The following TSPAN2 variants were observed in gnomAD, a reference collection of about 807,000 sequenced individuals.
TSPAN2 encodes tetraspanin 2.
A neutral mutation model predicts 33.3 loss-of-function variants in TSPAN2; 24 were observed. The observed-to-expected ratio is 0.72, with a 90% CI of 0.52 to 1.01. The LOEUF (loss-of-function observed/expected upper bound fraction) is 1.01. Among genes scored for constraint, TSPAN2 ranks in the 50% least tolerant of loss-of-function variants. The probability of loss-of-function intolerance (pLI) is 0.00; values close to 1 mark genes in which losing one functional copy is unlikely to be tolerated. For synonymous variants in TSPAN2, 114 were observed against 104.5 expected (o/e 1.09, Z -0.56); for missense variants, 278 against 281.3 (o/e 0.99, Z 0.08).
In TSPAN2 at chr1:115,048,504, T is replaced by C. The variant is rs553891452; in HGVS notation, c.*1986A>G. 6.6e-6 allele frequency: 1 copy of C among 152,110 alleles called. No homozygotes were observed. The highest frequency in any genetic ancestry group is 2.1e-4 in the South Asian group (1 of 4,828). The allele number at this position is 152,110 out of a possible 1,614,324, so 9.4% of individuals were successfully genotyped here. On this transcript the variant is annotated 3_prime_UTR_variant, in exon 8 of 8. Transcript: ENST00000369516. ...TCTTCTACTTTAATTAATTTCATTT[T>C]AAATTTATTTATTTCTATTCTTCCA...
intron 1 of TSPAN2, among the ~76,000 whole-genome samples, chr1:115,085,171 C>A (rs1419508774): frequency 6.6e-6 from 1 of 152,214 alleles, no homozygotes; most frequent in Non-Finnish European, 1.5e-5. Context: ...GCTGTGCTAT[C>A]TGATCGCAGG....
chr1:115,054,753 G>A (rs1448495020), intron 6 of TSPAN2, among the ~76,000 whole-genome samples: 1 of 152,122 alleles, frequency 6.6e-6, no homozygotes, highest in Admixed American at 6.5e-5. Context: ...TTGGGAGGCC[G>A]AGATGCGTGG....
intron 7 of TSPAN2, among the ~76,000 whole-genome samples, chr1:115,051,310 G>GA (rs967688605): frequency 5.0e-4 from 75 of 150,170 alleles, no homozygotes; most frequent in African/African-American, 1.8e-3. Context: ...CACAAAAAAA[G>GA]AAAAAAAAAG....
At chr1:115,069,978 T>A (rs1381097755) in intron 2 of TSPAN2, among the ~76,000 whole-genome samples, 2 of 152,212 alleles carry the variant, frequency 1.3e-5, no homozygotes. Flanking sequence ...TTGATGTATC[T>A]AATCATAAAG....
At chr1:115,075,629 G>A (rs1648375003) in intron 1 of TSPAN2, among the ~76,000 whole-genome samples, 1 of 152,100 alleles carries the variant, frequency 6.6e-6, no homozygotes, top group Admixed American at 6.5e-5. Context: ...GCATGTCAGT[G>A]TCACTAAGTT....
chr1:115,060,377 T>C, intron 4 of TSPAN2, 87 bp downstream of exon 4: 1 of 1,056,800 alleles, frequency 9.5e-7, no homozygotes, highest in South Asian at 1.4e-5. Flanking sequence ...ATAATGGGGA[T>C]TATTTGGTTT....
intron 6 of TSPAN2, 138 bp downstream of exon 6, chr1:115,057,399 A>G: frequency 1.2e-6 from 1 of 824,382 alleles, no homozygotes; most frequent in African/African-American, 1.7e-5. Flanking sequence ...AACGCTATTC[A>G]TTTTCCATCA....
Position 115,053,440 on chromosome 1 carries a change from G to A in TSPAN2, c.539C>T (p.Thr180Ile), listed in dbSNP as rs773365361. Residue 180 changes from threonine (T) to isoleucine (I), a missense_variant, in exon 7 of 8, where the codon ACC becomes ATC. By Grantham distance (89) the Thr-to-Ile change is moderately conservative. Transcript: ENST00000369516. ...GHKNCIDEIE[T>I]IISVKLQLIG... ...GAGCTGGAGCTTAACACTGATTATGGTCTCAATTTCATCGATGCAATTCTG... is the reference window on the plus strand; with the variant it reads ...GAGCTGGAGCTTAACACTGATTATGATCTCAATTTCATCGATGCAATTCTG... 1.2e-6 allele frequency: 2 copies of A among 1,613,816 alleles called. No homozygotes were observed. The highest frequency in any genetic ancestry group is 1.7e-4 in the Middle Eastern group (1 of 6,060).
intron 2 of TSPAN2, among the ~76,000 whole-genome samples, chr1:115,068,394 C>A (rs7339936): frequency 6.6e-6 from 1 of 152,166 alleles, no homozygotes. Flanking sequence ...TCATCTACCC[C>A]GAAGCAGGGA....
At position 115,055,484 on chromosome 1, in the gene TSPAN2, C is replaced by A. The variant is rs181765989; in HGVS notation, c.517-2022G>T. Among the ~76,000 whole-genome samples the A allele has an allele frequency of 2.1e-3, 316 of 152,042 alleles. 1 individual carries two copies. Among genetic ancestry groups the A allele is most frequent in the South Asian group, 1.0e-3 (5 of 4,814 alleles). On this transcript the variant is annotated intron_variant, in intron 6 of 7. Coordinates refer to ENST00000369516, the MANE Select transcript of TSPAN2 (RefSeq NM_005725.6). ...ACTTAATATTACAACTTTAAAAATG[C>A]CTTGTTTCACTAAAAATTTCTTTGA...
intron 5 of TSPAN2, 37 bp from the exon 6 acceptor site, chr1:115,057,645 G>A: frequency 6.2e-7 from 1 of 1,604,128 alleles, no homozygotes; most frequent in Non-Finnish European, 8.5e-7. Flanking sequence ...GACCAGGCGG[G>A]AGGAGTAGCA....
intron 6 of TSPAN2, among the ~76,000 whole-genome samples, chr1:115,053,792 A>G (rs1647281384): frequency 1.3e-5 from 2 of 152,246 alleles, no homozygotes; most frequent in Non-Finnish European, 1.5e-5. Context: ...TACTTGTAGC[A>G]AATAAGTAAA....
At chr1:115,055,530 T>C (rs1003287194) in intron 6 of TSPAN2, among the ~76,000 whole-genome samples, 1 of 135,402 alleles carries the variant, frequency 7.4e-6, no homozygotes, top group African/African-American at 2.7e-5. Flanking sequence ...ATGATGATTA[T>C]TTTTTTTTTT....
At chr1:115,068,189 G>A (rs1316501943) in intron 2 of TSPAN2, among the ~76,000 whole-genome samples, 5 of 152,116 alleles carry the variant, frequency 3.3e-5, no homozygotes, top group East Asian at 1.9e-4. Context: ...CTATCCTCTC[G>A]CCCTGTCCTC....
At chr1:115,060,758 T>C (rs981864615) in intron 3 of TSPAN2, among the ~76,000 whole-genome samples, 6 of 152,194 alleles carry the variant, frequency 3.9e-5, no homozygotes, top group African/African-American at 1.4e-4. Flanking sequence ...AATGTCTCTG[T>C]TATCACGGAC....
chr1:115,071,712 G>A (rs1405161923), intron 2 of TSPAN2, among the ~76,000 whole-genome samples: 1 of 152,132 alleles, frequency 6.6e-6, no homozygotes, highest in Admixed American at 6.5e-5. Flanking sequence ...CTGAAATGTG[G>A]AATGTCCTTA....
chr1:115,072,560 A>G (rs1196007240), intron 2 of TSPAN2, among the ~76,000 whole-genome samples: 1 of 152,140 alleles, frequency 6.6e-6, no homozygotes, highest in Non-Finnish European at 1.5e-5. Context: ...GAGTTTTCTC[A>G]TTCTTTGAAA....
intron 1 of TSPAN2, among the ~76,000 whole-genome samples, chr1:115,076,383 T>A (rs1238012776): frequency 1.3e-5 from 2 of 152,074 alleles, no homozygotes; most frequent in African/African-American, 4.8e-5. Flanking sequence ...AAGGTCTGCC[T>A]GAGGGGAGGA....
At position 115,057,561 on chromosome 1, in the gene TSPAN2, G is replaced by C; in HGVS notation, c.492C>G (p.Cys164Trp). The change falls in exon 6 of 8, where the codon TGC becomes TGG. Residue 164 changes from cysteine to tryptophan, a missense_variant. Transcript: ENST00000369516. ...KESSEQVQPTCPKELLGHKNC... is the reference protein window; with the variant it reads ...KESSEQVQPTWPKELLGHKNC... ...CCTTGTGTCCTAGAAGCTCCTTTGGGCATGTAGGTTGGACCTGTTCGGAGC... is the reference window on the plus strand; with the variant it reads ...CCTTGTGTCCTAGAAGCTCCTTTGGCCATGTAGGTTGGACCTGTTCGGAGC... 1 of 1,614,112 alleles carries C rather than the reference G, an allele frequency of 6.2e-7. No homozygotes were observed. Among genetic ancestry groups the C allele is most frequent in the South Asian group, 1.1e-5 (1 of 91,066 alleles).
Sources: gnomAD v4.1 joint callset for allele counts (sites outside exome capture counted in the v4.1 genomes callset) on GRCh38, gnomAD v4.1.1 for gene constraint, MANE v1.5 for transcripts, NCBI Gene and HGNC (gene_info 2026-07-23, HGNC 2026-07-21) for gene names.